AJAP1: variants seen among roughly 807,000 people sequenced by gnomAD.
The protein encoded by AJAP1 is adherens junction-associated protein 1.
A neutral mutation model predicts 35.0 loss-of-function variants in AJAP1; 5 were observed. That is an observed-to-expected ratio of 0.14 (90% CI 0.07 to 0.30). AJAP1 has a LOEUF of 0.30. Ranked by LOEUF, AJAP1 falls within the 10% of genes least tolerant of loss-of-function variation. The pLI is 1.00. For synonymous variants in AJAP1, 284 were observed against 249.3 expected, an observed-to-expected ratio of 1.14 and a Z score of -1.31; for missense variants, 586 against 571.0, an observed-to-expected ratio of 1.03 and a Z score of -0.27.
At chr1:4,717,405 C>T (rs191277536) in intron 2 of AJAP1, among the ~76,000 whole-genome samples, 5 of 152,306 alleles carry the variant, frequency 3.3e-5, no homozygotes, top group African/African-American at 4.8e-5. Flanking sequence ...TCAGAAACCT[C>T]GCCACCCAGG....
At chr1:4,714,816 C>G (rs1450237764) in intron 2 of AJAP1, among the ~76,000 whole-genome samples, 1 of 152,152 alleles carries the variant, frequency 6.6e-6, no homozygotes, top group African/African-American at 2.4e-5. Flanking sequence ...TCCTGAGCTT[C>G]CCAGCCAAGG....
At position 4,699,149 on chromosome 1, in the gene AJAP1, G is replaced by A. The variant is rs528998976; in HGVS notation, c.30-12751G>A. On this transcript the variant is annotated intron_variant, in intron 1 of 5. Transcript: ENST00000378191. The stretch of plus-strand genomic sequence containing the variant: ...GTGAGGTGAAGGGGCTCGCCCCAGG[G>A]TGCGTGGTGAGTGGGCCCGCTGGGA... Among the ~76,000 whole-genome samples, 40 of 152,262 alleles carry A rather than the reference G, an allele frequency of 2.6e-4. 1 individual carries two copies. In the East Asian group the frequency reaches 7.6e-3, roughly 29 times the overall value.
At chr1:4,676,449 C>T (rs1334751745) in intron 1 of AJAP1, among the ~76,000 whole-genome samples, 2 of 152,088 alleles carry the variant, frequency 1.3e-5, no homozygotes, top group Non-Finnish European at 2.9e-5. Context: ...AGACTCTGAC[C>T]CTAGCTCTCG....
At chr1:4,772,788 C>T (rs1343100616) in intron 4 of AJAP1, among the ~76,000 whole-genome samples, 1 of 152,192 alleles carries the variant, frequency 6.6e-6, no homozygotes, top group Non-Finnish European at 1.5e-5. Flanking sequence ...GCGGGAAATG[C>T]ATAGTCTCCC....
intron 2 of AJAP1, among the ~76,000 whole-genome samples, chr1:4,745,678 G>A (rs1641171572): frequency 5.3e-5 from 8 of 152,250 alleles, no homozygotes; most frequent in Admixed American, 5.2e-4. Flanking sequence ...TCCAAGAGGT[G>A]TGAAACATAC....
chr1:4,712,054 C>A lies in AJAP1; in HGVS notation c.184C>A (p.Arg62=). The change falls in exon 2 of 6, where the codon CGG becomes AGG. Residue 62 remains arginine, a synonymous_variant. Transcript: ENST00000378191. ...LLPRSPPRPP[R]LWSFRSGQPA... ...GCCGCGGTCGCCGCCCCGGCCGCCC[C>A]GGCTGTGGAGTTTTAGGAGTGGACA... is the stretch of plus-strand genomic sequence containing the variant. The A allele has an allele frequency of 6.3e-7, 1 of 1,586,768 alleles. No homozygotes were observed. Among genetic ancestry groups the A allele is most frequent in the South Asian group, 1.1e-5 (1 of 87,582 alleles).
intron 4 of AJAP1, 146 bp downstream of exon 4, chr1:4,772,671 T>G: frequency 8.2e-7 from 1 of 1,222,782 alleles, no homozygotes; most frequent in African/African-American, 1.5e-5. Flanking sequence ...GGCGGACAGC[T>G]AATTTGGCAA....
chr1:4,661,182 G>A (rs917244977), intron 1 of AJAP1, among the ~76,000 whole-genome samples: 1 of 152,230 alleles, frequency 6.6e-6, no homozygotes, highest in Non-Finnish European at 1.5e-5. Context: ...GATACAATGG[G>A]CAGCTCTATC....
rs72637578 is a variant in AJAP1, at chr1:4,678,425, G to A, written c.29+22971G>A. ...GCAAGGCTGAAACCAGATGTTGGCC[G>A]GGTCTGTGATCTCATCAGAGGCTCA... On this transcript the variant is annotated intron_variant, in intron 1 of 5. Coordinates refer to ENST00000378191, the MANE Select transcript of AJAP1 (RefSeq NM_018836.4). Among the ~76,000 whole-genome samples, 712 of 152,292 alleles carry A rather than the reference G, an allele frequency of 4.7e-3. 1 individual carries two copies. The highest frequency in any genetic ancestry group is 7.0e-3 in the Non-Finnish European group (475 of 68,024).
At chr1:4,780,612 T>C (rs1444618343) in intron 5 of AJAP1, among the ~76,000 whole-genome samples, 1 of 149,994 alleles carries the variant, frequency 6.7e-6, no homozygotes, top group East Asian at 2.0e-4. Flanking sequence ...TTTTTTTCTT[T>C]TTTCTTTTCT....
At chr1:4,685,079 G>T (rs1184844877) in intron 1 of AJAP1, among the ~76,000 whole-genome samples, 1 of 152,194 alleles carries the variant, frequency 6.6e-6, no homozygotes, top group Non-Finnish European at 1.5e-5. Context: ...ATGCAGTCAT[G>T]GCCCCGAACC....
intron 1 of AJAP1, among the ~76,000 whole-genome samples, chr1:4,709,727 C>G (rs1640183627): frequency 6.6e-6 from 1 of 152,220 alleles, no homozygotes; most frequent in Non-Finnish European, 1.5e-5. Context: ...CCGAGCTTGG[C>G]TGCTAGTGCA....
chr1:4,773,095 G>A (rs895529339), intron 4 of AJAP1, among the ~76,000 whole-genome samples: 1 of 152,130 alleles, frequency 6.6e-6, no homozygotes, highest in African/African-American at 2.4e-5. Flanking sequence ...CCTTGAGTCA[G>A]CTTTCAAAGG....
intron 2 of AJAP1, among the ~76,000 whole-genome samples, chr1:4,719,158 G>C (rs1322602518): frequency 6.6e-6 from 1 of 152,150 alleles, no homozygotes; most frequent in Admixed American, 6.5e-5. Flanking sequence ...ACCATTTTTA[G>C]ACTTTTTGTT....
At chr1:4,756,895 C>A (rs1376989193) in intron 2 of AJAP1, among the ~76,000 whole-genome samples, 1 of 151,990 alleles carries the variant, frequency 6.6e-6, no homozygotes, top group Non-Finnish European at 1.5e-5. Context: ...GCCTGCAGTG[C>A]CCCCTCCAAG....
chr1:4,769,119 C>T (rs1641767894), intron 2 of AJAP1, among the ~76,000 whole-genome samples: 1 of 152,148 alleles, frequency 6.6e-6, no homozygotes, highest in African/African-American at 2.4e-5. Context: ...GATTCCAGTG[C>T]CCCCCACCTC....
In AJAP1 at chr1:4,786,884, G is replaced by A. The variant is rs1462837650; in HGVS notation, c.*4399G>A. 6.6e-6 allele frequency: 1 copy of A among 152,180 alleles called. No homozygotes were observed. Among genetic ancestry groups the A allele is most frequent in the South Asian group, 2.1e-4 (1 of 4,822 alleles). The allele number at this position is 152,180 out of a possible 1,614,324, so 9.4% of individuals were successfully genotyped here. A position where few individuals can be genotyped will look rare whatever the true frequency, so the allele number is the denominator to read the frequency against. On this transcript the variant is annotated 3_prime_UTR_variant, in exon 6 of 6. Transcript: ENST00000378191. ...GACACCATCACCCTCTTTCATCAAGGTGATCTCTTTCATCAGGGCATATAT... is the reference window on the plus strand; with the variant it reads ...GACACCATCACCCTCTTTCATCAAGATGATCTCTTTCATCAGGGCATATAT...
intron 1 of AJAP1, among the ~76,000 whole-genome samples, chr1:4,697,918 G>A (rs761279743): frequency 2.6e-5 from 4 of 152,234 alleles, no homozygotes; most frequent in African/African-American, 4.8e-5. Flanking sequence ...CAAGGGGACC[G>A]CTAAGTCCGC....
rs748782129 is a variant in AJAP1, at chr1:4,790,150, G to A, written c.*7665G>A. ...CCGAGAGCCATGTATGGGCATAGGA[G>A]CAAGCTGATGGCATGGCTCTTGACA... On this transcript the variant is annotated 3_prime_UTR_variant, in exon 6 of 6. Transcript: ENST00000378191. 6.6e-6 allele frequency: 1 copy of A among 152,268 alleles called. No individual in the cohort carries two copies. Among genetic ancestry groups the A allele is most frequent in the Non-Finnish European group, 1.5e-5 (1 of 68,062 alleles). The allele number at this position is 152,268 out of a possible 1,614,324, so 9.4% of individuals were successfully genotyped here.
Sources: gnomAD v4.1 joint callset for allele counts (sites outside exome capture counted in the v4.1 genomes callset) on GRCh38, gnomAD v4.1.1 for gene constraint, MANE v1.5 for transcripts, NCBI Gene and HGNC (gene_info 2026-07-23, HGNC 2026-07-21) for gene names.